Variants in CAMK1D observed in about 807,000 individuals in gnomAD.
CAMK1D encodes the protein calcium/calmodulin-dependent protein kinase type 1D.
In CAMK1D, 9 loss-of-function variants were observed where a neutral mutation model predicts 47.7. The ratio of observed to expected loss-of-function variants is 0.19; its 90% CI spans 0.11 to 0.33. CAMK1D has a LOEUF of 0.33. CAMK1D is among the 10% of genes least tolerant of loss of function. The pLI is 1.00. For synonymous variants in CAMK1D, 184 were observed against 184.9 expected (o/e 0.99, Z 0.04); for missense variants, 291 against 488.7 (o/e 0.60, Z 3.81).
chr10:12,638,266 G>T (rs1285904017), intron 2 of CAMK1D, among the ~76,000 whole-genome samples: 1 of 152,176 alleles, frequency 6.6e-6, no homozygotes, highest in Non-Finnish European at 1.5e-5. Flanking sequence ...GGTCTCTTTA[G>T]CAGCTGGGCG....
intron 1 of CAMK1D, among the ~76,000 whole-genome samples, chr10:12,362,224 T>C (rs1438601215): frequency 6.6e-6 from 1 of 152,078 alleles, no homozygotes; most frequent in African/African-American, 2.4e-5. Flanking sequence ...GAACCTCCAC[T>C]CCACCTATGA....
At chr10:12,662,891 A>G (rs888704112) in intron 2 of CAMK1D, among the ~76,000 whole-genome samples, 2 of 152,178 alleles carry the variant, frequency 1.3e-5, no homozygotes, top group Non-Finnish European at 2.9e-5. Flanking sequence ...TTTTATTGGT[A>G]GAAGTATAAT....
intron 3 of CAMK1D, among the ~76,000 whole-genome samples, chr10:12,685,050 C>A (rs564126483): frequency 3.3e-5 from 5 of 150,152 alleles, no homozygotes; most frequent in Admixed American, 6.6e-5. Context: ...TGGCTCACGC[C>A]AACACTTTGG....
intron 10 of CAMK1D, among the ~76,000 whole-genome samples, chr10:12,826,630 C>T (rs1237611245): frequency 2.0e-5 from 3 of 152,138 alleles, no homozygotes; most frequent in Non-Finnish European, 4.4e-5. Context: ...TGGAGCAGCC[C>T]TGCAGCCTGG....
intron 1 of CAMK1D, among the ~76,000 whole-genome samples, chr10:12,360,493 C>T (rs1249695643): frequency 6.6e-6 from 1 of 152,188 alleles, no homozygotes; most frequent in Non-Finnish European, 1.5e-5. Context: ...TGGGCTAATA[C>T]TTCCTTAACC....
At chr10:12,681,436 G>A (rs1397996631) in intron 3 of CAMK1D, among the ~76,000 whole-genome samples, 1 of 152,236 alleles carries the variant, frequency 6.6e-6, no homozygotes, top group Non-Finnish European at 1.5e-5. Context: ...CCTGACCGCA[G>A]CGCAGCTGCC....
intron 2 of CAMK1D, among the ~76,000 whole-genome samples, chr10:12,644,561 A>G (rs1049844295): frequency 2.0e-5 from 3 of 152,160 alleles, no homozygotes; most frequent in Non-Finnish European, 2.9e-5. Context: ...GGCGATGCTT[A>G]GTTCATGCTT....
intron 1 of CAMK1D, among the ~76,000 whole-genome samples, chr10:12,363,664 GGT>G (rs1491552080): frequency 0.016 from 2,227 of 138,342 alleles, 51 homozygotes; most frequent in African/African-American, 0.048. Flanking sequence ...TGTTTCCTAA[GGT>G]TTTTTTTTTT....
chr10:12,459,140 A>G (rs1316620231), intron 1 of CAMK1D, among the ~76,000 whole-genome samples: 1 of 152,126 alleles, frequency 6.6e-6, no homozygotes, highest in Non-Finnish European at 1.5e-5. Context: ...CGTCCTCCCA[A>G]ACTGCTGGGA....
intron 2 of CAMK1D, among the ~76,000 whole-genome samples, chr10:12,666,437 G>A (rs141508835): frequency 1.8e-3 from 269 of 152,244 alleles, no homozygotes; most frequent in African/African-American, 6.1e-3. Context: ...CTCTGAGTTG[G>A]GCTCTACAAG....
At chr10:12,434,903 A>C (rs1832583313) in intron 1 of CAMK1D, among the ~76,000 whole-genome samples, 1 of 152,054 alleles carries the variant, frequency 6.6e-6, no homozygotes, top group African/African-American at 2.4e-5. Context: ...ATCTTTGAGA[A>C]AGCAGCCCAG....
chr10:12,624,808 C>T (rs550058503), intron 2 of CAMK1D, among the ~76,000 whole-genome samples: 43 of 152,272 alleles, frequency 2.8e-4, no homozygotes, highest in Admixed American at 2.7e-3. Context: ...CTTTAAGCCT[C>T]CATTTCTTCA....
intron 5 of CAMK1D, among the ~76,000 whole-genome samples, chr10:12,789,032 C>G (rs555943174): frequency 6.6e-6 from 1 of 152,246 alleles, no homozygotes; most frequent in Non-Finnish European, 1.5e-5. Context: ...AGTGGTTTGT[C>G]TACCTTCCTG....
intron 2 of CAMK1D, among the ~76,000 whole-genome samples, chr10:12,585,683 A>G (rs1837795785): frequency 6.6e-6 from 1 of 152,192 alleles, no homozygotes; most frequent in Admixed American, 6.5e-5. Context: ...CACTACCACG[A>G]GAACAGTATG....
At chr10:12,366,289 A>C (rs1837831813) in intron 1 of CAMK1D, among the ~76,000 whole-genome samples, 1 of 152,194 alleles carries the variant, frequency 6.6e-6, no homozygotes, top group South Asian at 2.1e-4. Context: ...GAAGAACTTA[A>C]AATTAGAACA....
chr10:12,441,104 C>A (rs1165368892), intron 1 of CAMK1D, among the ~76,000 whole-genome samples: 1 of 152,230 alleles, frequency 6.6e-6, no homozygotes, highest in African/African-American at 2.4e-5. Context: ...TCCAATCATA[C>A]GTCAGCATGA....
chr10:12,634,796 A>C (rs1371660237), intron 2 of CAMK1D, among the ~76,000 whole-genome samples: 1 of 151,902 alleles, frequency 6.6e-6, no homozygotes, highest in Admixed American at 6.6e-5. Flanking sequence ...GCTGGGAGGC[A>C]ACATCTCGGG....
chr10:12,539,618 G>C (rs1836098360), intron 1 of CAMK1D, among the ~76,000 whole-genome samples: 1 of 152,218 alleles, frequency 6.6e-6, no homozygotes, highest in African/African-American at 2.4e-5. Context: ...CATCAGGGAT[G>C]GGAGTGAGAA....
intron 2 of CAMK1D, among the ~76,000 whole-genome samples, chr10:12,595,342 G>GGAAAAAA (rs1554794318): frequency 8.5e-5 from 2 of 23,554 alleles, no homozygotes; most frequent in African/African-American, 1.8e-4. Flanking sequence ...AACTCCATCT[G>GGAAAAAA]AAAAAAAAAA....
Sources: gnomAD v4.1 joint callset for allele counts (sites outside exome capture counted in the v4.1 genomes callset) on GRCh38, gnomAD v4.1.1 for gene constraint, MANE v1.5 for transcripts, NCBI Gene and HGNC (gene_info 2026-07-23, HGNC 2026-07-21) for gene names.